NEMP1: variants seen among roughly 807,000 people sequenced by gnomAD.
NEMP1 encodes transmembrane protein 194.
NEMP1 carries 29 observed loss-of-function variants against 53.7 expected under a neutral mutation model. The observed-to-expected ratio is 0.54, with a 90% CI of 0.40 to 0.74. The LOEUF is 0.74. Among genes scored for constraint, NEMP1 ranks in the 30% least tolerant of loss-of-function variants. The probability of loss-of-function intolerance (pLI) is 0.00; values close to 1 mark genes in which losing one functional copy is unlikely to be tolerated. For synonymous variants in NEMP1, 193 were observed against 192.9 expected (o/e 1.00, Z 0.00); for missense variants, 477 against 528.6 (o/e 0.90, Z 0.96).
intron 2 of NEMP1, among the ~76,000 whole-genome samples, 185 bp from the exon 3 acceptor site, chr12:57,071,078 A>AT (rs2032323271): frequency 6.6e-6 from 1 of 151,150 alleles, no homozygotes; most frequent in Admixed American, 6.6e-5. Flanking sequence ...AACACTGCAC[A>AT]TGTTACAGAG....
intron 1 of NEMP1, among the ~76,000 whole-genome samples, chr12:57,085,717 C>CT (rs550293145): frequency 1.3e-5 from 2 of 152,220 alleles, no homozygotes; most frequent in Non-Finnish European, 2.9e-5. Flanking sequence ...CCTTTAGCAT[C>CT]TGAGTGTGAA....
intron 2 of NEMP1, 111 bp from the exon 3 acceptor site, chr12:57,071,004 C>T: frequency 1.3e-6 from 1 of 788,620 alleles, no homozygotes. Flanking sequence ...AGTAATGGTG[C>T]CAGTTTTCCA....
chr12:57,073,451 C>T (rs1178270401), intron 1 of NEMP1, among the ~76,000 whole-genome samples: 1 of 151,792 alleles, frequency 6.6e-6, no homozygotes, highest in Non-Finnish European at 1.5e-5. Context: ...ATCAGCCTGA[C>T]CAATATGGAG....
rs550445805 is a variant in NEMP1 at position 57,083,961 on chromosome 12, G to A, written n.113+3990C>T. On this transcript the variant is annotated intron_variant and non_coding_transcript_variant, in intron 1 of 2. Coordinates refer to the NEMP1 transcript ENST00000553654. ...GTTAATTTTTGTTTTCTTCTGTTTT[G>A]TTTTGTTTTGTTTTGTTTTGAGACC... Among the ~76,000 whole-genome samples, 70 of 147,802 alleles carry A rather than the reference G, an allele frequency of 4.7e-4. 1 individual carries two copies. The highest frequency in any genetic ancestry group is 1.7e-3 in the African/African-American group (68 of 39,732).
chr12:57,082,513 G>T (rs895888404), upstream of NEMP1, among the ~76,000 whole-genome samples: 1 of 152,114 alleles, frequency 6.6e-6, no homozygotes, highest in Non-Finnish European at 1.5e-5. Context: ...AGGAATTCAA[G>T]ACCAGCCTGG....
At chr12:57,065,074 C>T (rs375400411) in intron 4 of NEMP1, among the ~76,000 whole-genome samples, 6 of 152,238 alleles carry the variant, frequency 3.9e-5, no homozygotes, top group Admixed American at 3.3e-4. Context: ...AGATCATCTA[C>T]GCCTTCAGTG....
chr12:57,061,312 T>C (rs1231888001), intron 7 of NEMP1, among the ~76,000 whole-genome samples: 1 of 152,196 alleles, frequency 6.6e-6, no homozygotes, highest in African/African-American at 2.4e-5. Flanking sequence ...TTCACTAATG[T>C]GAACAAACTC....
At chr12:57,088,146 T>A (rs1263484122), upstream of NEMP1, 1 of 152,198 alleles carries the variant, frequency 6.6e-6, no homozygotes, top group Non-Finnish European at 1.5e-5. Flanking sequence ...ATCGTCTTTG[T>A]CACACAAAAT....
chr12:57,073,084 TTC>T (rs1272169878), intron 1 of NEMP1, among the ~76,000 whole-genome samples, 172 bp from the exon 2 acceptor site: 1 of 152,142 alleles, frequency 6.6e-6, no homozygotes, highest in African/African-American at 2.4e-5. Context: ...AGAATCTTAT[TTC>T]TGTCGTTTAA....
rs2031719274 is a variant in NEMP1 at position 57,059,969 on chromosome 12, G to T, written c.1245C>A (p.Ala415=). 2.5e-6 allele frequency: 4 copies of T among 1,613,402 alleles called. No individual in the cohort carries two copies. Among genetic ancestry groups the T allele is most frequent in the Non-Finnish European group, 3.4e-6 (4 of 1,179,892 alleles). The change falls in exon 9 of 9, where the codon GCC becomes GCA. Residue 415 remains alanine (A), a synonymous_variant. Coordinates refer to ENST00000300128, the MANE Select transcript of NEMP1 (RefSeq NM_001130963.2). ...EQEYGLGSII[A]QDEIYEEASS... ...ATGCTTCCTCATAGATTTCATCCTG[G>T]GCAATAATGCTCCCTAATCCATACT...
intron 1 of NEMP1, among the ~76,000 whole-genome samples, chr12:57,075,046 G>A (rs1296339256): frequency 1.3e-5 from 2 of 150,958 alleles, no homozygotes; most frequent in African/African-American, 4.9e-5. Context: ...CCGAGATCGC[G>A]CCTCTGCACT....
intron 4 of NEMP1, among the ~76,000 whole-genome samples, chr12:57,068,053 G>A (rs545740136): frequency 6.6e-6 from 1 of 151,798 alleles, no homozygotes; most frequent in Admixed American, 6.6e-5. Flanking sequence ...TTACAGGGGT[G>A]AGCCACCACA....
intron 4 of NEMP1, among the ~76,000 whole-genome samples, chr12:57,066,282 G>A (rs1413257164): frequency 6.6e-6 from 1 of 152,088 alleles, no homozygotes; most frequent in Admixed American, 6.6e-5. Flanking sequence ...AACAAAAAAA[G>A]AGTTGTATCT....
chr12:57,083,927 C>T (rs1183447440), intron 1 of NEMP1, among the ~76,000 whole-genome samples: 3 of 151,444 alleles, frequency 2.0e-5, no homozygotes, highest in Non-Finnish European at 2.9e-5. Context: ...GCGCCCGCCA[C>T]CACGCCCAGT....
chr12:57,061,103 T>C (rs888377070), intron 7 of NEMP1, among the ~76,000 whole-genome samples, 158 bp from the exon 8 acceptor site: 10 of 152,058 alleles, frequency 6.6e-5, no homozygotes, highest in African/African-American at 2.2e-4. Flanking sequence ...TATAATGAAC[T>C]CCTGATACAT....
intron 1 of NEMP1, 150 bp downstream of exon 1, chr12:57,078,469 G>A (rs2032733369): frequency 4.3e-6 from 5 of 1,158,578 alleles, no homozygotes; most frequent in Non-Finnish European, 6.0e-6. Flanking sequence ...CCACTAGCCT[G>A]CCAAGTTTCT....
intron 1 of NEMP1, among the ~76,000 whole-genome samples, chr12:57,075,735 G>A (rs2032582632): frequency 6.6e-6 from 1 of 152,034 alleles, no homozygotes; most frequent in Non-Finnish European, 1.5e-5. Context: ...GGGAGGCTGA[G>A]GCGGGCAGAT....
At chr12:57,085,647 G>C (rs1383556240) in intron 1 of NEMP1, among the ~76,000 whole-genome samples, 1 of 152,152 alleles carries the variant, frequency 6.6e-6, no homozygotes, top group South Asian at 2.1e-4. Context: ...GTTACTGAAA[G>C]AGAAAAAAGG....
chr12:57,077,633 C>G (rs912265130), intron 1 of NEMP1, among the ~76,000 whole-genome samples: 1 of 152,164 alleles, frequency 6.6e-6, no homozygotes, highest in Non-Finnish European at 1.5e-5. Context: ...AGAGTACTAA[C>G]TGGATACAAA....
Sources: gnomAD v4.1 joint callset for allele counts (sites outside exome capture counted in the v4.1 genomes callset) on GRCh38, gnomAD v4.1.1 for gene constraint, MANE v1.5 for transcripts, NCBI Gene and HGNC (gene_info 2026-07-23, HGNC 2026-07-21) for gene names.